SLC35D4: variants seen among roughly 807,000 people sequenced by gnomAD.
The protein encoded by SLC35D4 is UDP-N-acetylglucosamine transporter SLC35D4.
At chr18:23,275,025 GTCTGCTTGT>G in the SLC35D4 span, among the ~76,000 whole-genome samples, 1 of 149,798 alleles carries the variant, frequency 6.7e-6, no homozygotes, top group African/African-American at 2.4e-5. Context: ...GTGCTTGTGT[GTCTGCTTGT>G]ATTTTGTGTG....
At chr18:23,291,491 G>T in the SLC35D4 span, among the ~76,000 whole-genome samples, 1 of 152,226 alleles carries the variant, frequency 6.6e-6, no homozygotes, top group East Asian at 1.9e-4. Flanking sequence ...GCCCCATGTG[G>T]CACTGACTGA....
chr18:23,421,428 C>G, the SLC35D4 span: 19 of 1,614,008 alleles, frequency 1.2e-5, no homozygotes, highest in East Asian at 6.7e-5. Flanking sequence ...AAAAGTCCAC[C>G]AATGAGCGTC....
chr18:23,405,940 A>G, the SLC35D4 span, among the ~76,000 whole-genome samples: 1 of 152,224 alleles, frequency 6.6e-6, no homozygotes, highest in African/African-American at 2.4e-5. Context: ...TCCAGGTAGC[A>G]TAGAGACAAG....
chr18:23,333,338 T>G, the SLC35D4 span, among the ~76,000 whole-genome samples: 1 of 152,204 alleles, frequency 6.6e-6, no homozygotes, highest in South Asian at 2.1e-4. Flanking sequence ...GCTGGTTAAC[T>G]GTTGGGGATA....
At chr18:23,389,644 C>G in the SLC35D4 span, among the ~76,000 whole-genome samples, 1 of 152,056 alleles carries the variant, frequency 6.6e-6, no homozygotes, top group Non-Finnish European at 1.5e-5. Context: ...GTTCAAGCAA[C>G]TCTCCTGCCC....
chr18:23,282,598 G>A, the SLC35D4 span, among the ~76,000 whole-genome samples: 1 of 152,332 alleles, frequency 6.6e-6, no homozygotes, highest in South Asian at 2.1e-4. Flanking sequence ...CCAAGCACCA[G>A]TACCCTGGGG....
the SLC35D4 span, chr18:23,430,562 C>G: frequency 1.5e-6 from 2 of 1,335,428 alleles, no homozygotes; most frequent in Non-Finnish European, 2.1e-6. Flanking sequence ...GTTATTAAAA[C>G]TATTTCAAAG....
the SLC35D4 span, among the ~76,000 whole-genome samples, chr18:23,367,731 G>C: frequency 6.6e-6 from 1 of 151,276 alleles, no homozygotes; most frequent in Non-Finnish European, 1.5e-5. Flanking sequence ...GACTATGTTT[G>C]AAGAAAAACG....
the SLC35D4 span, among the ~76,000 whole-genome samples, chr18:23,428,118 T>C: frequency 6.6e-6 from 1 of 152,038 alleles, no homozygotes; most frequent in East Asian, 1.9e-4. Flanking sequence ...TGTATACATA[T>C]GTAACAAACC....
chr18:23,430,498 A>AT, the SLC35D4 span: 1 of 654,450 alleles, frequency 1.5e-6, no homozygotes, highest in Non-Finnish European at 2.6e-6. Context: ...ATGTCTGTTA[A>AT]TAAGGCGGCT....
At chr18:23,355,020 G>A in the SLC35D4 span, among the ~76,000 whole-genome samples, 8 of 152,220 alleles carry the variant, frequency 5.3e-5, no homozygotes, top group East Asian at 3.9e-4. Context: ...TATGGCTACC[G>A]TGCCCCTCCT....
the SLC35D4 span, among the ~76,000 whole-genome samples, chr18:23,295,534 C>T: frequency 6.6e-6 from 1 of 151,618 alleles, no homozygotes; most frequent in Non-Finnish European, 1.5e-5. Flanking sequence ...GACAAAACAA[C>T]AACAACAAAA....
the SLC35D4 span, among the ~76,000 whole-genome samples, chr18:23,433,222 G>A: frequency 6.6e-6 from 1 of 151,882 alleles, no homozygotes; most frequent in Non-Finnish European, 1.5e-5. Flanking sequence ...ACCATGCCCA[G>A]CTAATTTTTG....
chr18:23,355,172 C>T, the SLC35D4 span, among the ~76,000 whole-genome samples: 1 of 152,162 alleles, frequency 6.6e-6, no homozygotes, highest in Non-Finnish European at 1.5e-5. Flanking sequence ...AACAGAGTCA[C>T]ATCAATTCAA....
At chr18:23,367,660 T>C in the SLC35D4 span, among the ~76,000 whole-genome samples, 2 of 152,192 alleles carry the variant, frequency 1.3e-5, no homozygotes, top group Non-Finnish European at 2.9e-5. Flanking sequence ...AAACATCATG[T>C]GGCAGGTACT....
the SLC35D4 span, among the ~76,000 whole-genome samples, chr18:23,240,313 G>A: frequency 6.6e-6 from 1 of 152,172 alleles, no homozygotes; most frequent in Admixed American, 6.5e-5. Context: ...GGTTGGTTTT[G>A]CATAAAATAG....
At chr18:23,319,198 T>C in the SLC35D4 span, among the ~76,000 whole-genome samples, 1 of 152,120 alleles carries the variant, frequency 6.6e-6, no homozygotes, top group Non-Finnish European at 1.5e-5. Flanking sequence ...CAGAAGGGAA[T>C]GCAGTGTTGA....
At chr18:23,246,361 A>G in the SLC35D4 span, among the ~76,000 whole-genome samples, 1 of 151,532 alleles carries the variant, frequency 6.6e-6, no homozygotes, top group Non-Finnish European at 1.5e-5. Flanking sequence ...AGTAGCATGC[A>G]CTGGCAAAAC....
At chr18:23,437,310 A>G in the SLC35D4 span, among the ~76,000 whole-genome samples, 7 of 152,214 alleles carry the variant, frequency 4.6e-5, no homozygotes, top group South Asian at 1.2e-3. Flanking sequence ...AGACGTACAA[A>G]AAAATTGATT....
Sources: allele counts gnomAD v4.1 joint callset (sites outside exome capture counted in the v4.1 genomes callset), GRCh38; gene constraint gnomAD v4.1.1; transcripts MANE v1.5; gene names NCBI Gene and HGNC (gene_info 2026-07-23, HGNC 2026-07-21).